Variants in MNDA observed in about 807,000 individuals in gnomAD.
MNDA encodes myeloid cell nuclear differentiation antigen.
MNDA carries 43 observed loss-of-function variants against 37.8 expected under a neutral mutation model. The ratio of observed to expected loss-of-function variants is 1.14; its 90% CI spans 0.89 to 1.47. The LOEUF is 1.47. MNDA is among the 40% of genes most tolerant of loss of function. MNDA has a pLI of 0.00. For missense variants in MNDA, 536 were observed against 476.0 expected (o/e 1.13, Z -1.17); for synonymous variants, 181 against 169.0 (o/e 1.07, Z -0.55).
intron 3 of MNDA, 38 bp downstream of exon 3, chr1:158,843,453 A>G: frequency 6.4e-7 from 1 of 1,551,732 alleles, no homozygotes; most frequent in Non-Finnish European, 8.7e-7. Flanking sequence ...GAAGCCTCAC[A>G]GAAGATACTC....
intron 5 of MNDA, 129 bp from the exon 6 acceptor site, chr1:158,847,599 A>G: frequency 1.3e-6 from 1 of 753,998 alleles, no homozygotes; most frequent in East Asian, 3.1e-5. Flanking sequence ...ATGGCAGGCC[A>G]AGCCACATGT....
At chr1:158,838,556 T>C (rs368933887) in intron 1 of MNDA, among the ~76,000 whole-genome samples, 3 of 152,130 alleles carry the variant, frequency 2.0e-5, no homozygotes, top group East Asian at 3.8e-4. Context: ...TAATGTGTCA[T>C]AGTGTAAGTT....
intron 1 of MNDA, among the ~76,000 whole-genome samples, chr1:158,836,873 T>C (rs1658926047): frequency 1.3e-5 from 2 of 151,838 alleles, no homozygotes; most frequent in African/African-American, 2.4e-5. Context: ...CTCATCACCA[T>C]ATTCTTTGCA....
At chr1:158,844,274 G>T in intron 4 of MNDA, 152 bp downstream of exon 4, 1 of 827,118 alleles carries the variant, frequency 1.2e-6, no homozygotes, top group East Asian at 2.8e-5. Flanking sequence ...GTTTACATTG[G>T]TGAGAAGCCA....
intron 3 of MNDA, 107 bp from the exon 4 acceptor site, chr1:158,843,848 C>A: frequency 1.0e-6 from 1 of 972,824 alleles, no homozygotes; most frequent in Non-Finnish European, 1.5e-6. Context: ...CCAAGGACAT[C>A]CCATCCAACA....
At chr1:158,848,979 A>C (rs967733779) in intron 6 of MNDA, among the ~76,000 whole-genome samples, 4 of 152,192 alleles carry the variant, frequency 2.6e-5, no homozygotes, top group Non-Finnish European at 5.9e-5. Context: ...TTCAGGAAGG[A>C]AAAAGACAAA....
chr1:158,849,415 CTT>C lies in MNDA; in HGVS notation c.*179_*180del, dbSNP rs1346858272. The C allele has an allele frequency of 2.0e-6, 1 of 509,276 alleles. No individual in the cohort carries two copies. Among genetic ancestry groups the C allele is most frequent in the Non-Finnish European group, 3.4e-6 (1 of 289,964 alleles). 31.5% of individuals were successfully genotyped at this position (509,276 alleles called of 1,614,324 possible). On this transcript the variant is annotated 3_prime_UTR_variant, in exon 7 of 7. Coordinates refer to ENST00000368141, the MANE Select transcript of MNDA (RefSeq NM_002432.3). ...AGTTTGCTTTCTGGAATAAAATTTT[CTT>C]CTTATACTCTTCCTTTTTTTTAGAT...
chr1:158,841,462 A>G (rs971070888), intron 1 of MNDA, among the ~76,000 whole-genome samples: 5 of 152,180 alleles, frequency 3.3e-5, no homozygotes, highest in African/African-American at 1.2e-4. Flanking sequence ...TAAAAAACAA[A>G]TGTGCAAAAA....
rs201258003 is a variant in MNDA at position 158,843,354 on chromosome 1, C to T, written c.341C>T (p.Pro114Leu). 7.4e-6 allele frequency: 12 copies of T among 1,612,768 alleles called. No homozygotes were observed. Among genetic ancestry groups the T allele is most frequent in the African/African-American group, 1.3e-5 (1 of 74,892 alleles). ...CAGGAAGAAGTGGGTCTTGCGGCACCTGCACCCACCGCAAGAAACAAACTG... is the reference window on the plus strand; with the variant it reads ...CAGGAAGAAGTGGGTCTTGCGGCACTTGCACCCACCGCAAGAAACAAACTG... The part of the protein sequence containing the change: ...INQEEVGLAA[P>L]APTARNKLTS... Residue 114 changes from proline (P) to leucine (L), a missense_variant, in exon 3 of 7, where the codon CCT becomes CTT. By Grantham distance (98) the Pro-to-Leu change is moderately conservative (BLOSUM62 -3). Transcript: ENST00000368141.
At chr1:158,833,656 A>T (rs1275141962) in intron 1 of MNDA, among the ~76,000 whole-genome samples, 1 of 152,192 alleles carries the variant, frequency 6.6e-6, no homozygotes, top group Non-Finnish European at 1.5e-5. Context: ...ATCATGTGTC[A>T]GAATATTCTT....
chr1:158,831,771 C>G (rs1658807890), intron 1 of MNDA, among the ~76,000 whole-genome samples: 1 of 152,096 alleles, frequency 6.6e-6, no homozygotes, highest in South Asian at 2.1e-4. Flanking sequence ...ATTTTGTCTA[C>G]AGCAGGTTTT....
In MNDA at chr1:158,843,380, A is replaced by G. The variant is rs762855476; in HGVS notation, c.367A>G (p.Thr123Ala). The G allele has an allele frequency of 2.2e-5, 36 of 1,611,924 alleles. No individual in the cohort carries two copies. In the South Asian group the frequency reaches 3.9e-4, roughly 17 times the overall value. Residue 123 changes from threonine (T) to alanine (A), a missense_variant, in exon 3 of 7, where the codon ACA becomes GCA. By Grantham distance (58) the Thr-to-Ala change is moderately conservative. Transcript: ENST00000368141. Reference sequence around the variant, plus strand: ...TGCACCCACCGCAAGAAACAAACTGACATCGGAAGCAAGAGGGAGGATTCC... The same window carrying G: ...TGCACCCACCGCAAGAAACAAACTGGCATCGGAAGCAAGAGGGAGGATTCC... ...APAPTARNKL[T>A]SEARGRIPVA...
intron 1 of MNDA, among the ~76,000 whole-genome samples, chr1:158,831,827 G>A (rs1658810544): frequency 6.6e-6 from 1 of 152,142 alleles, no homozygotes; most frequent in African/African-American, 2.4e-5. Flanking sequence ...GATATTTAGA[G>A]GAGATACTTG....
At chr1:158,848,902 G>T (rs887803426) in intron 6 of MNDA, among the ~76,000 whole-genome samples, 11 of 151,874 alleles carry the variant, frequency 7.2e-5, no homozygotes, top group Non-Finnish European at 1.5e-4. Context: ...GTTACAAATC[G>T]AAACTTTTAA....
At chr1:158,845,219 GTTGTTTGTTTGT>G (rs137942958) in intron 4 of MNDA, among the ~76,000 whole-genome samples, 12,960 of 145,764 alleles carry the variant, frequency 0.089, 650 homozygotes, top group East Asian at 0.12. Context: ...AGTTTTTGTT[GTTGTTTGTTTGT>G]TTGTTTGTTT....
At chr1:158,839,937 A>G (rs970351473) in intron 1 of MNDA, among the ~76,000 whole-genome samples, 1 of 152,212 alleles carries the variant, frequency 6.6e-6, no homozygotes, top group Non-Finnish European at 1.5e-5. Flanking sequence ...TTAAACCATA[A>G]CATTCAAATA....
chr1:158,832,317 C>T (rs1201716164), intron 1 of MNDA, among the ~76,000 whole-genome samples: 3 of 151,780 alleles, frequency 2.0e-5, no homozygotes, highest in Non-Finnish European at 4.4e-5. Context: ...ATTCCAAATT[C>T]TATTTAAGTA....
intron 5 of MNDA, among the ~76,000 whole-genome samples, chr1:158,846,841 CTCTT>C (rs1177026611): frequency 4.6e-5 from 7 of 152,296 alleles, no homozygotes; most frequent in African/African-American, 1.7e-4. Flanking sequence ...TTCTCACACT[CTCTT>C]TAAGAGATCT....
rs185719930 is a variant in MNDA, at chr1:158,843,603, T to C, written c.402+188T>C. Among the ~76,000 whole-genome samples the C allele has an allele frequency of 5.3e-3, 804 of 152,352 alleles. 6 individuals are homozygous for C. Among genetic ancestry groups the C allele is most frequent in the African/African-American group, 0.018 (760 of 41,574 alleles). ...AAAAATTTCTGTGACATAAATATAT[T>C]ATCATCTCCATTATAAAAATGGGGT... On this transcript the variant is annotated intron_variant, in intron 3 of 6. Coordinates refer to ENST00000368141, the MANE Select transcript of MNDA (RefSeq NM_002432.3).
Sources: allele counts gnomAD v4.1 joint callset (sites outside exome capture counted in the v4.1 genomes callset), GRCh38; gene constraint gnomAD v4.1.1; transcripts MANE v1.5; gene names NCBI Gene and HGNC (gene_info 2026-07-23, HGNC 2026-07-21).